EHBP1: variants seen among roughly 807,000 people sequenced by gnomAD.
EHBP1 encodes the protein EH domain binding protein 1.
Under a neutral mutation model 144.0 loss-of-function variants are expected in EHBP1, and 55 were observed. The observed-to-expected ratio is 0.38, with a 90% CI of 0.31 to 0.48. The LOEUF (loss-of-function observed/expected upper bound fraction) is 0.48, where lower values mean the gene tolerates loss of function less well. Ranked by LOEUF, EHBP1 falls within the 20% of genes least tolerant of loss-of-function variation. The probability of loss-of-function intolerance (pLI) is 0.98; values close to 1 mark genes in which losing one functional copy is unlikely to be tolerated. For missense variants in EHBP1, 1,200 were observed against 1,364.2 expected (o/e 0.88, Z 1.90); for synonymous variants, 469 against 472.7 (o/e 0.99, Z 0.10).
intron 2 of EHBP1, among the ~76,000 whole-genome samples, chr2:62,731,568 A>G (rs1398490249): frequency 1.3e-5 from 2 of 152,154 alleles, no homozygotes; most frequent in East Asian, 3.9e-4. Flanking sequence ...CAAGTTGAGG[A>G]AGTTCCCCCT....
At chr2:62,799,778 T>C (rs771224098) in intron 5 of EHBP1, among the ~76,000 whole-genome samples, 8 of 152,180 alleles carry the variant, frequency 5.3e-5, no homozygotes, top group Admixed American at 2.0e-4. Context: ...AAAGCAAGTA[T>C]GGCACCAGAA....
chr2:62,817,181 G>A (rs898486547), intron 5 of EHBP1, among the ~76,000 whole-genome samples: 1 of 152,166 alleles, frequency 6.6e-6, no homozygotes, highest in African/African-American at 2.4e-5. Context: ...CAAGTAAACA[G>A]TATTTGCATA....
intron 11 of EHBP1, 91 bp downstream of exon 11, chr2:62,942,987 T>A: frequency 9.9e-7 from 1 of 1,009,844 alleles, no homozygotes. Flanking sequence ...CATCCTGAAA[T>A]AATTTATATT....
At chr2:63,007,006 G>GT (rs1263982883) in intron 19 of EHBP1, among the ~76,000 whole-genome samples, 6 of 151,872 alleles carry the variant, frequency 4.0e-5, no homozygotes, top group African/African-American at 1.2e-4. Flanking sequence ...CAGGCTGTAA[G>GT]TATATTATCA....
intron 19 of EHBP1, among the ~76,000 whole-genome samples, chr2:63,029,008 A>G (rs904389430): frequency 6.6e-6 from 1 of 152,206 alleles, no homozygotes; most frequent in African/African-American, 2.4e-5. Context: ...CTTTATGTTC[A>G]TAACCAGCAA....
In EHBP1 at chr2:62,829,832, A is replaced by T. The variant is rs554770322; in HGVS notation, c.495-1187A>T. On this transcript the variant is annotated intron_variant, in intron 6 of 22. Coordinates refer to ENST00000431489, the MANE Select transcript of EHBP1 (RefSeq NM_001142616.3). ...GCAATAGTGGCCATAATTTAAGAAT[A>T]AAAAAAATAGATATTGACATGGATG... Among the ~76,000 whole-genome samples the T allele has an allele frequency of 3.0e-4, 44 of 148,382 alleles. No homozygotes were observed. In the East Asian group the frequency reaches 7.8e-3, roughly 26 times the overall value.
At chr2:62,918,476 T>C (rs1200498199) in intron 10 of EHBP1, among the ~76,000 whole-genome samples, 1 of 152,156 alleles carries the variant, frequency 6.6e-6, no homozygotes, top group African/African-American at 2.4e-5. Flanking sequence ...GGCTACAGAC[T>C]ACTCAAGGCC....
intron 2 of EHBP1, among the ~76,000 whole-genome samples, chr2:62,746,608 A>G (rs2039179410): frequency 6.6e-6 from 1 of 152,090 alleles, no homozygotes; most frequent in Non-Finnish European, 1.5e-5. Context: ...TTTTCATAAG[A>G]ACAAAAGAGA....
At chr2:63,011,937 A>T (rs74891254) in intron 19 of EHBP1, among the ~76,000 whole-genome samples, 16 of 152,034 alleles carry the variant, frequency 1.1e-4, no homozygotes, top group East Asian at 7.7e-4. Flanking sequence ...CAATGTTGGG[A>T]TACATTTAAA....
intron 1 of EHBP1, chr2:62,706,421 C>T (rs1271931688): frequency 6.6e-6 from 1 of 152,332 alleles, no homozygotes; most frequent in Non-Finnish European, 1.5e-5. Flanking sequence ...CCATTTCCTC[C>T]CTCCGACTGA....
At chr2:62,730,988 TGA>T (rs2037539325) in intron 2 of EHBP1, among the ~76,000 whole-genome samples, 1 of 149,954 alleles carries the variant, frequency 6.7e-6, no homozygotes, top group Non-Finnish European at 1.5e-5. Context: ...GATACTGCAT[TGA>T]GTCTATAGAT....
At chr2:62,949,244 A>G (rs917516706) in intron 13 of EHBP1, 82 bp downstream of exon 13, 84 of 1,212,446 alleles carry the variant, frequency 6.9e-5, no homozygotes, top group Non-Finnish European at 9.2e-5. Context: ...CATAGATGCT[A>G]CAAATGATTA....
chr2:62,901,353 A>G (rs1030274604), intron 10 of EHBP1, among the ~76,000 whole-genome samples: 4 of 152,198 alleles, frequency 2.6e-5, no homozygotes, highest in Non-Finnish European at 4.4e-5. Context: ...TATATTTAGC[A>G]TAGAGAAAAA....
chr2:62,955,189 T>G (rs2057621062), intron 13 of EHBP1, among the ~76,000 whole-genome samples: 1 of 152,144 alleles, frequency 6.6e-6, no homozygotes, highest in African/African-American at 2.4e-5. Context: ...AAAATGTCTT[T>G]GTCAGATTAT....
intron 19 of EHBP1, among the ~76,000 whole-genome samples, chr2:63,014,601 G>A (rs1439445369): frequency 6.6e-6 from 1 of 152,180 alleles, no homozygotes. Flanking sequence ...AGGAGAATAA[G>A]AGTAGTCAAC....
intron 7 of EHBP1, among the ~76,000 whole-genome samples, chr2:62,857,919 G>A (rs1387944480): frequency 1.3e-5 from 2 of 149,028 alleles, no homozygotes; most frequent in Non-Finnish European, 3.0e-5. Flanking sequence ...TTTTAGTGCC[G>A]ATTTTTAAAA....
intron 5 of EHBP1, among the ~76,000 whole-genome samples, chr2:62,805,311 A>C (rs967580183): frequency 2.6e-5 from 4 of 152,104 alleles, no homozygotes; most frequent in Non-Finnish European, 5.9e-5. Flanking sequence ...TATATTTATT[A>C]TATTTAATTT....
intron 10 of EHBP1, among the ~76,000 whole-genome samples, chr2:62,916,756 TATA>T (rs1471806264): frequency 3.3e-5 from 5 of 149,518 alleles, no homozygotes; most frequent in Non-Finnish European, 5.9e-5. Flanking sequence ...AAATATATTT[TATA>T]ATATTGTGTA....
intron 7 of EHBP1, among the ~76,000 whole-genome samples, chr2:62,849,144 G>A (rs1386319064): frequency 6.6e-6 from 1 of 151,936 alleles, no homozygotes; most frequent in South Asian, 2.1e-4. Flanking sequence ...AAGTGACTAT[G>A]TAACTTCCAA....
Sources: gnomAD v4.1 joint callset for allele counts (sites outside exome capture counted in the v4.1 genomes callset) on GRCh38, gnomAD v4.1.1 for gene constraint, MANE v1.5 for transcripts, NCBI Gene and HGNC (gene_info 2026-07-23, HGNC 2026-07-21) for gene names.